Variants in SMARCC1 observed in about 807,000 individuals in gnomAD.
The protein encoded by SMARCC1 is SWI/SNF complex subunit SMARCC1.
SMARCC1 carries 43 observed loss-of-function variants against 147.4 expected under a neutral mutation model. The observed-to-expected ratio is 0.29, with a 90% CI of 0.23 to 0.38. SMARCC1 has a LOEUF of 0.38. SMARCC1 is among the 10% of genes least tolerant of loss of function. The pLI is 1.00. For synonymous variants in SMARCC1, 495 were observed against 484.4 expected (o/e 1.02, Z -0.29); for missense variants, 1,119 against 1,381.1 (o/e 0.81, Z 3.01).
Position 47,678,243 on chromosome 3 carries a change from G to A in SMARCC1, c.1526C>T (p.Thr509Ile). Residue 509 changes from threonine to isoleucine, a missense_variant, in exon 16 of 28, where the codon ACT becomes ATT. By Grantham distance (89) the Thr-to-Ile change is moderately conservative. Around this residue, in one of 6 missense-constraint regions of SMARCC1, gnomAD observed 14 missense variants for 40.3 expected, o/e 0.35. Coordinates refer to ENST00000254480, the MANE Select transcript of SMARCC1 (RefSeq NM_003074.4). ...TCCAGTCAAGTTCCTCCGACAAGCA[G>A]TGCTAGTTAAATACTCTTGGGGGTT... is the stretch of plus-strand genomic sequence containing the variant. Reference protein sequence around the residue: ...RLNPQEYLTSTACRRNLTGDV... With the variant: ...RLNPQEYLTSIACRRNLTGDV... The A allele has an allele frequency of 6.2e-7, 1 of 1,609,468 alleles. No homozygotes were observed. Among genetic ancestry groups the A allele is most frequent in the Non-Finnish European group, 8.5e-7 (1 of 1,178,084 alleles).
intron 2 of SMARCC1, among the ~76,000 whole-genome samples, chr3:47,758,380 C>CG (rs757278942): frequency 8.3e-6 from 1 of 120,786 alleles, no homozygotes; most frequent in Non-Finnish European, 1.8e-5. Flanking sequence ...TTCAGCCTCG[C>CG]AAAAAAAAAA....
intron 3 of SMARCC1, 127 bp from the exon 4 acceptor site, chr3:47,738,237 G>A (rs1576427017): frequency 3.4e-6 from 2 of 596,286 alleles, no homozygotes; most frequent in Non-Finnish European, 5.9e-6. Flanking sequence ...CAAAATGTGT[G>A]AGACATTCTC....
intron 19 of SMARCC1, chr3:47,663,765 T>C (rs1457727372): frequency 1.6e-5 from 24 of 1,546,378 alleles, no homozygotes; most frequent in African/African-American, 2.7e-5. Flanking sequence ...GTGGTACCCA[T>C]AGGTTGCCTG....
chr3:47,664,027 T>C, intron 19 of SMARCC1: 2 of 675,764 alleles, frequency 3.0e-6, no homozygotes. Flanking sequence ...CCTCCTCTCC[T>C]TTGAGAGGCC....
intron 1 of SMARCC1, among the ~76,000 whole-genome samples, chr3:47,778,080 G>A (rs1421200534): frequency 1.3e-5 from 2 of 150,546 alleles, no homozygotes; most frequent in Non-Finnish European, 3.0e-5. Context: ...GGTGGCGGGT[G>A]CCTGTAATCC....
intron 11 of SMARCC1, among the ~76,000 whole-genome samples, chr3:47,700,239 C>A (rs2033900044): frequency 6.6e-6 from 1 of 151,346 alleles, no homozygotes; most frequent in Admixed American, 6.6e-5. Flanking sequence ...TTTTAAATCT[C>A]CACTTTCTAG....
chr3:47,610,175 G>A lies in SMARCC1; in HGVS notation c.2934C>T (p.Gly978=). ...GCCCTGCTGCTCCAAGTGGGGCCAG[G>A]CCAGGTCCTCCTGAGTGCTGGTGTG... ...QQAHQHSGGP[G]LAPLGAAGHP... The change falls in exon 26 of 28, where the codon GGC becomes GGT. Residue 978 remains glycine, a synonymous_variant. Coordinates refer to ENST00000254480, the MANE Select transcript of SMARCC1 (RefSeq NM_003074.4). 3 of 1,614,136 alleles carry A rather than the reference G, an allele frequency of 1.9e-6. No individual in the cohort carries two copies. The highest frequency in any genetic ancestry group is 2.5e-6 in the Non-Finnish European group (3 of 1,180,044).
intron 12 of SMARCC1, among the ~76,000 whole-genome samples, chr3:47,693,039 G>A (rs903051571): frequency 2.0e-5 from 3 of 152,048 alleles, no homozygotes; most frequent in Non-Finnish European, 4.4e-5. Context: ...GCATGGTGGT[G>A]TGTGCCTATA....
chr3:47,697,933 G>C (rs566134115), intron 11 of SMARCC1, among the ~76,000 whole-genome samples: 1 of 146,552 alleles, frequency 6.8e-6, no homozygotes, highest in Non-Finnish European at 1.5e-5. Context: ...GTGTGAACCT[G>C]GGAGGTAAAG....
intron 22 of SMARCC1, 59 bp from the exon 23 acceptor site, chr3:47,636,195 A>G: frequency 1.2e-6 from 1 of 846,690 alleles, no homozygotes; most frequent in Non-Finnish European, 1.9e-6. Flanking sequence ...AGACCTTTTT[A>G]TGAGTAATTA....
chr3:47,758,674 A>G (rs1339263940), intron 2 of SMARCC1, among the ~76,000 whole-genome samples: 1 of 152,182 alleles, frequency 6.6e-6, no homozygotes, highest in Non-Finnish European at 1.5e-5. Context: ...CTACAGGCCT[A>G]AAATATTTAC....
chr3:47,652,989 G>A (rs1030346442), intron 21 of SMARCC1, among the ~76,000 whole-genome samples: 10 of 133,428 alleles, frequency 7.5e-5, no homozygotes, highest in Admixed American at 3.6e-4. Context: ...TCGCTCTGTC[G>A]CCCAGGCCGG....
chr3:47,631,402 A>G (rs904128682), intron 24 of SMARCC1, among the ~76,000 whole-genome samples: 1 of 152,174 alleles, frequency 6.6e-6, no homozygotes, highest in Non-Finnish European at 1.5e-5. Context: ...AACTGAACCT[A>G]CTACTGCTGA....
At chr3:47,767,225 T>A (rs1406660786) in intron 2 of SMARCC1, among the ~76,000 whole-genome samples, 18 of 148,542 alleles carry the variant, frequency 1.2e-4, no homozygotes, top group African/African-American at 4.4e-4. Flanking sequence ...CCACTCTGAT[T>A]TTTTTCTTTT....
rs1166964500 is a variant in SMARCC1 at position 47,728,078 on chromosome 3, CTTTTTTTTTT to C, written c.646+937_646+946del. On this transcript the variant is annotated intron_variant, in intron 6 of 27. Coordinates refer to ENST00000254480, the MANE Select transcript of SMARCC1 (RefSeq NM_003074.4). ...CCGGATTTAACCACCTTATTAGTCCCTTTTTTTTTTTTTTTTTTTTTTTTTTGAGATGGAG... is the reference window on the plus strand; with the variant it reads ...CCGGATTTAACCACCTTATTAGTCCCTTTTTTTTTTTTTTTTGAGATGGAG... 2.6e-4 allele frequency among the ~76,000 whole-genome samples: 15 copies of C among 56,876 alleles called. 1 individual carries two copies. The highest frequency in any genetic ancestry group is 0.032 in the Middle Eastern group (2 of 62). The allele number at this position is 56,876 out of a possible 152,430, so 37.3% of individuals were successfully genotyped here. A position where few individuals can be genotyped will look rare whatever the true frequency, so the allele number is the denominator to read the frequency against.
intron 14 of SMARCC1, among the ~76,000 whole-genome samples, chr3:47,684,110 G>C (rs1261694051): frequency 6.6e-6 from 1 of 151,518 alleles, no homozygotes; most frequent in African/African-American, 2.4e-5. Context: ...CGTAGTGGCG[G>C]GCGCCTGTAG....
Position 47,731,074 on chromosome 3 carries a change from T to C in SMARCC1, c.577-1980A>G, listed in dbSNP as rs536398101. On this transcript the variant is annotated intron_variant, in intron 5 of 27. Coordinates refer to ENST00000254480, the MANE Select transcript of SMARCC1 (RefSeq NM_003074.4). ...TTTCACAAATGATTTCTCTGTAGCATGCGATGCTGACAGCATTTTACACAC... is the reference window on the plus strand; with the variant it reads ...TTTCACAAATGATTTCTCTGTAGCACGCGATGCTGACAGCATTTTACACAC... 1.2e-4 allele frequency among the ~76,000 whole-genome samples: 18 copies of C among 152,302 alleles called. No homozygotes were observed. The South Asian group carries it at 2.1e-3, about 18-fold the overall frequency.
intron 26 of SMARCC1, among the ~76,000 whole-genome samples, chr3:47,597,143 T>C (rs1476116698): frequency 7.1e-6 from 1 of 141,000 alleles, no homozygotes; most frequent in East Asian, 2.1e-4. Flanking sequence ...AGGGCGAGAC[T>C]CAGTCTCAAA....
At chr3:47,651,516 C>A (rs1010009435) in intron 21 of SMARCC1, among the ~76,000 whole-genome samples, 2 of 152,190 alleles carry the variant, frequency 1.3e-5, no homozygotes, top group Non-Finnish European at 2.9e-5. Context: ...GCCCAGGGGG[C>A]TTTACACTGG....
Sources: gnomAD v4.1 joint callset for allele counts (sites outside exome capture counted in the v4.1 genomes callset) on GRCh38, gnomAD v4.1.1 for gene constraint, gnomAD v4.1.1 regional missense constraint, MANE v1.5 for transcripts, NCBI Gene and HGNC (gene_info 2026-07-23, HGNC 2026-07-21) for gene names.